The following ARHGEF18 variants were observed in gnomAD, a reference collection of about 807,000 sequenced individuals.
ARHGEF18 encodes Rho/Rac guanine nucleotide exchange factor 18, also known as rho guanine nucleotide exchange factor 18.
In ARHGEF18, 93 loss-of-function variants were observed where a neutral mutation model predicts 155.7. The ratio of observed to expected loss-of-function variants is 0.60; its 90% CI spans 0.50 to 0.71. ARHGEF18 has a LOEUF of 0.71. Among genes scored for constraint, ARHGEF18 ranks in the 30% least tolerant of loss-of-function variants. The pLI is 0.00. For synonymous variants in ARHGEF18, 742 were observed against 753.1 expected (o/e 0.99, Z 0.24); for missense variants, 1,593 against 1,816.1 (o/e 0.88, Z 2.23).
intron 10 of ARHGEF18, among the ~76,000 whole-genome samples, chr19:7,432,633 T>C (rs1974029846): frequency 1.3e-5 from 2 of 152,124 alleles, no homozygotes; most frequent in African/African-American, 4.8e-5. Flanking sequence ...GAGCCACCAC[T>C]CCCAGCCCTG....
Position 7,447,096 on chromosome 19 carries a change from T to A in ARHGEF18, c.1665T>A (p.Ser555Arg), listed in dbSNP as rs1207890835. Reference sequence around the variant, plus strand: ...AAGAAAAGTACGGTGTGTTTTGTAGTGGCCACAATGAAGCTGTTAGTCATT... The same window carrying A: ...AAGAAAAGTACGGTGTGTTTTGTAGAGGCCACAATGAAGCTGTTAGTCATT... ...RMKEKYGVFCSGHNEAVSHYK... is the reference protein window; with the variant it reads ...RMKEKYGVFCRGHNEAVSHYK... Residue 555 changes from serine (S) to arginine (R), a missense_variant, in exon 15 of 29, where the codon AGT becomes AGA. Transcript: ENST00000668164. The A allele has an allele frequency of 6.2e-7, 1 of 1,613,912 alleles. No individual in the cohort carries two copies. The highest frequency in any genetic ancestry group is 8.5e-7 in the Non-Finnish European group (1 of 1,179,948).
chr19:7,356,494 G>T (rs1448160682), intron 1 of ARHGEF18, among the ~76,000 whole-genome samples: 1 of 151,816 alleles, frequency 6.6e-6, no homozygotes, highest in Non-Finnish European at 1.5e-5. Context: ...GGCTGGTCTC[G>T]AACTCCTGAC....
At chr19:7,366,157 G>C (rs1969877775) in intron 2 of ARHGEF18, among the ~76,000 whole-genome samples, 1 of 152,160 alleles carries the variant, frequency 6.6e-6, no homozygotes, top group Non-Finnish European at 1.5e-5. Context: ...TGTTGGCCAG[G>C]CTGTTCTCAA....
At chr19:7,379,313 C>G (rs184566217) in intron 7 of ARHGEF18, 147 bp downstream of exon 7, 1 of 681,158 alleles carries the variant, frequency 1.5e-6, no homozygotes, top group East Asian at 4.1e-5. Flanking sequence ...AATCCCAGCA[C>G]TTTGGGAGGC....
chr19:7,385,611 G>T (rs1056894565), intron 10 of ARHGEF18, among the ~76,000 whole-genome samples: 44 of 151,604 alleles, frequency 2.9e-4, no homozygotes, highest in East Asian at 2.3e-3. Context: ...GAGTAGCGGG[G>T]ATTACAGGTG....
chr19:7,455,203 C>T (rs561407755), intron 17 of ARHGEF18, among the ~76,000 whole-genome samples: 11 of 152,294 alleles, frequency 7.2e-5, no homozygotes, highest in East Asian at 5.8e-4. Context: ...GCCTGCCAGG[C>T]GCCGAGTTGG....
Position 7,463,803 on chromosome 19 carries a change from C to T in ARHGEF18, c.2636-15C>T. Reference sequence around the variant, plus strand: ...CGCAGGGCGACCCGTGCCTCCTGTCCCCTTCCTTCCACAGTCGAGGGCATC... The same window carrying T: ...CGCAGGGCGACCCGTGCCTCCTGTCTCCTTCCTTCCACAGTCGAGGGCATC... On this transcript the variant is annotated splice_polypyrimidine_tract_variant and intron_variant, in intron 21 of 28. Transcript: ENST00000668164. This position sits in a 1 kb window ranked among gnomAD's most constrained non-coding sequence, Gnocchi z 5.2. The T allele has an allele frequency of 6.2e-7, 1 of 1,600,534 alleles. No individual in the cohort carries two copies. The highest frequency in any genetic ancestry group is 8.5e-7 in the Non-Finnish European group (1 of 1,174,126).
chr19:7,369,410 G>A (rs945647686), intron 2 of ARHGEF18, among the ~76,000 whole-genome samples: 9 of 151,648 alleles, frequency 5.9e-5, no homozygotes, highest in African/African-American at 2.2e-4. Flanking sequence ...GCAGTGAGCT[G>A]AGATCGGGCC....
chr19:7,358,507 T>C (rs1224673382), intron 1 of ARHGEF18, among the ~76,000 whole-genome samples: 1 of 151,700 alleles, frequency 6.6e-6, no homozygotes, highest in East Asian at 1.9e-4. Context: ...CATCCATCCA[T>C]CCATCCTTCT....
At chr19:7,448,673 A>G (rs1018561917) in intron 15 of ARHGEF18, among the ~76,000 whole-genome samples, 3 of 147,174 alleles carry the variant, frequency 2.0e-5, no homozygotes, top group Non-Finnish European at 3.0e-5. Flanking sequence ...AAAAAATACA[A>G]AAAAAAAAAA....
At chr19:7,351,285 A>C (rs1238357759) in intron 1 of ARHGEF18, among the ~76,000 whole-genome samples, 2 of 151,906 alleles carry the variant, frequency 1.3e-5, no homozygotes, top group South Asian at 4.2e-4. Flanking sequence ...TCTGTAAGCA[A>C]GTCTGCTAGA....
At chr19:7,468,333 C>G (rs75932760) in intron 26 of ARHGEF18, among the ~76,000 whole-genome samples, 15,538 of 151,176 alleles carry the variant, frequency 0.1, 943 homozygotes, top group East Asian at 0.21. Flanking sequence ...TTGCTTGAGG[C>G]TAGGTATTTG....
intron 16 of ARHGEF18, among the ~76,000 whole-genome samples, chr19:7,451,621 C>T (rs887790927): frequency 1.3e-5 from 2 of 151,848 alleles, no homozygotes; most frequent in African/African-American, 4.8e-5. Flanking sequence ...CGCTGTGTTA[C>T]CCAGGCTGGT....
chr19:7,479,793 G>A, the ARHGEF18 span, among the ~76,000 whole-genome samples: 1 of 152,238 alleles, frequency 6.6e-6, no homozygotes, highest in African/African-American at 2.4e-5. Context: ...AAAACCTAGC[G>A]TGAACCCTAA....
intron 10 of ARHGEF18, among the ~76,000 whole-genome samples, chr19:7,418,251 G>T (rs1973130691): frequency 2.6e-5 from 4 of 151,896 alleles, no homozygotes; most frequent in South Asian, 2.1e-4. Flanking sequence ...TGTTTGTGGG[G>T]TTTTTTTGTT....
intron 10 of ARHGEF18, among the ~76,000 whole-genome samples, chr19:7,398,272 TG>T (rs1259661183): frequency 1.3e-5 from 2 of 151,390 alleles, no homozygotes; most frequent in Admixed American, 1.3e-4. Flanking sequence ...GGTTTCGCCA[TG>T]TTGGCCAGGC....
chr19:7,451,792 G>T (rs1019067582), intron 16 of ARHGEF18, among the ~76,000 whole-genome samples: 2 of 151,808 alleles, frequency 1.3e-5, no homozygotes, highest in Non-Finnish European at 2.9e-5. Context: ...CACGATCTCG[G>T]CTCACTGCAA....
At chr19:7,432,263 T>G (rs1974010103) in intron 10 of ARHGEF18, among the ~76,000 whole-genome samples, 1 of 152,162 alleles carries the variant, frequency 6.6e-6, no homozygotes, top group Non-Finnish European at 1.5e-5. Flanking sequence ...TTTCTTTAAT[T>G]GTCTCTCGAA....
chr19:7,469,397 C>T (rs1021947338), intron 27 of ARHGEF18, among the ~76,000 whole-genome samples: 2 of 152,180 alleles, frequency 1.3e-5, no homozygotes, highest in African/African-American at 2.4e-5. Context: ...GAAAGGGACA[C>T]GGGCAAGAAG....
Sources: allele counts gnomAD v4.1 joint callset (sites outside exome capture counted in the v4.1 genomes callset), GRCh38; gene constraint gnomAD v4.1.1; non-coding constraint Gnocchi (gnomAD v3.1); transcripts MANE v1.5; gene names NCBI Gene and HGNC (gene_info 2026-07-23, HGNC 2026-07-21).